The following NR1H4 variants were observed in gnomAD, a reference collection of about 807,000 sequenced individuals.
The protein encoded by NR1H4 is bile acid receptor.
A neutral mutation model predicts 58.5 loss-of-function variants in NR1H4; 23 were observed. The observed-to-expected ratio is 0.39, with a 90% CI of 0.28 to 0.56. NR1H4 has a LOEUF of 0.56. Among genes scored for constraint, NR1H4 ranks in the 20% least tolerant of loss-of-function variants. The probability of loss-of-function intolerance (pLI) is 0.58; values close to 1 mark genes in which losing one functional copy is unlikely to be tolerated. For synonymous variants in NR1H4, 214 were observed against 198.0 expected, an observed-to-expected ratio of 1.08 and a Z score of -0.68; for missense variants, 487 against 576.9, an observed-to-expected ratio of 0.84 and a Z score of 1.60.
intron 4 of NR1H4, among the ~76,000 whole-genome samples, chr12:100,520,314 TAG>T (rs1303688874): frequency 6.6e-6 from 1 of 152,110 alleles, no homozygotes; most frequent in African/African-American, 2.4e-5. Flanking sequence ...ATTTACTGGT[TAG>T]AGTTCAGCAA....
intron 1 of NR1H4, among the ~76,000 whole-genome samples, chr12:100,478,386 G>A (rs1250992420): frequency 2.0e-5 from 3 of 152,118 alleles, no homozygotes; most frequent in Admixed American, 2.0e-4. Flanking sequence ...AGAAAATGAA[G>A]CAAACCCTTC....
chr12:100,550,931 T>G (rs1169571520), intron 9 of NR1H4, among the ~76,000 whole-genome samples: 1 of 152,242 alleles, frequency 6.6e-6, no homozygotes, highest in Non-Finnish European at 1.5e-5. Context: ...GTGAGTGTTA[T>G]TTATAAAATA....
chr12:100,494,209 A>G (rs1953662875), intron 3 of NR1H4, among the ~76,000 whole-genome samples: 1 of 152,204 alleles, frequency 6.6e-6, no homozygotes, highest in African/African-American at 2.4e-5. Flanking sequence ...GTATGAAGGC[A>G]TGACCGCTTA....
intron 8 of NR1H4, 82 bp downstream of exon 8, chr12:100,537,129 G>T (rs1400725944): frequency 3.4e-6 from 3 of 890,478 alleles, no homozygotes; most frequent in South Asian, 2.9e-5. Context: ...TTTACATACG[G>T]TGTTTTAATT....
chr12:100,504,500 G>A lies in NR1H4; in HGVS notation c.80-6278G>A, dbSNP rs57624407. On this transcript the variant is annotated intron_variant, in intron 3 of 10. Coordinates refer to ENST00000392986, the MANE Select transcript of NR1H4 (RefSeq NM_001206979.2). ...AAACATTTACTATGTGTCAGCCATT[G>A]AGTTAGATGCCAGGAATATAAAGAA... Among the ~76,000 whole-genome samples the A allele has an allele frequency of 1.2e-4, 18 of 152,306 alleles. 1 individual carries two copies. In the East Asian group the frequency reaches 2.7e-3, roughly 23 times the overall value.
chr12:100,548,399 T>A (rs1955129441), intron 9 of NR1H4, among the ~76,000 whole-genome samples: 1 of 151,308 alleles, frequency 6.6e-6, no homozygotes, highest in Non-Finnish European at 1.5e-5. Flanking sequence ...ATACCTCTGA[T>A]GATCAGTTGT....
Position 100,510,927 on chromosome 12 carries a change from C to T in NR1H4, c.229C>T (p.Pro77Ser). The change falls in exon 4 of 11, where the codon CCT (proline) becomes TCT (serine). Residue 77 changes from proline (P) to serine (S), a missense_variant. Coordinates refer to ENST00000392986, the MANE Select transcript of NR1H4 (RefSeq NM_001206979.2). ...CAACCTGGGTTTCTACCCCCAGCAG[C>T]CTGAAGAGTGGTACTCTCCTGGAAT... ...YSNLGFYPQQ[P>S]EEWYSPGIYE... 1.2e-6 allele frequency: 2 copies of T among 1,614,208 alleles called. No individual in the cohort carries two copies. The highest frequency in any genetic ancestry group is 1.7e-6 in the Non-Finnish European group (2 of 1,180,042).
intron 1 of NR1H4, among the ~76,000 whole-genome samples, chr12:100,480,357 C>T (rs1389843107): frequency 6.6e-6 from 1 of 152,068 alleles, no homozygotes; most frequent in African/African-American, 2.4e-5. Flanking sequence ...GTTGAGATGC[C>T]GTTTTTAAAG....
chr12:100,509,813 C>T (rs952941767), intron 3 of NR1H4, among the ~76,000 whole-genome samples: 1 of 152,162 alleles, frequency 6.6e-6, no homozygotes, highest in Non-Finnish European at 1.5e-5. Context: ...ATGCAATCTT[C>T]TATCCCAGAA....
intron 2 of NR1H4, 88 bp from the exon 3 acceptor site, chr12:100,493,182 G>T: frequency 3.0e-6 from 2 of 661,896 alleles, no homozygotes; most frequent in South Asian, 3.4e-5. Context: ...TTGTACTTTC[G>T]TAAACTATCT....
At chr12:100,555,852 A>G (rs1379480609) in intron 9 of NR1H4, among the ~76,000 whole-genome samples, 14 of 152,206 alleles carry the variant, frequency 9.2e-5, no homozygotes, top group Non-Finnish European at 2.1e-4. Flanking sequence ...CAGGACTGGT[A>G]TTCTCCAGGC....
At chr12:100,563,217 T>C (rs767586991) in intron 10 of NR1H4, 34 bp from the exon 11 acceptor site, 2 of 1,519,728 alleles carry the variant, frequency 1.3e-6, no homozygotes, top group Admixed American at 1.7e-5. Context: ...TTCCACTTTT[T>C]AATTTTGTCA....
chr12:100,533,939 G>T (rs1438337866), intron 5 of NR1H4, among the ~76,000 whole-genome samples: 1 of 150,850 alleles, frequency 6.6e-6, no homozygotes, highest in East Asian at 1.9e-4. Flanking sequence ...GCCCAGGCCG[G>T]ACTGCGGACT....
At chr12:100,546,694 C>G (rs1394319862) in intron 9 of NR1H4, among the ~76,000 whole-genome samples, 2 of 151,802 alleles carry the variant, frequency 1.3e-5, no homozygotes, top group Non-Finnish European at 2.9e-5. Context: ...GACTCTGTCT[C>G]AAAAAACAAA....
intron 3 of NR1H4, chr12:100,503,542 G>A: frequency 6.6e-7 from 1 of 1,505,474 alleles, no homozygotes; most frequent in South Asian, 1.3e-5. Flanking sequence ...TCTTGCAACT[G>A]GACTGAGGAA....
At chr12:100,554,391 TAACACA>T (rs1955275854) in intron 9 of NR1H4, among the ~76,000 whole-genome samples, 2 of 107,734 alleles carry the variant, frequency 1.9e-5, no homozygotes, top group East Asian at 1.7e-3. Context: ...TACTTGTAAA[TAACACA>T]CACACACACA....
At chr12:100,521,611 C>T (rs1954420658) in intron 4 of NR1H4, among the ~76,000 whole-genome samples, 1 of 151,900 alleles carries the variant, frequency 6.6e-6, no homozygotes, top group South Asian at 2.1e-4. Context: ...AATGAGTGAC[C>T]CTACTGCCTT....
intron 1 of NR1H4, 67 bp downstream of exon 1, chr12:100,474,126 A>T (rs1953218103): frequency 6.6e-6 from 1 of 152,210 alleles, no homozygotes; most frequent in African/African-American, 2.4e-5. Context: ...ATAGTCACTT[A>T]AAAGTTTCTC....
intron 3 of NR1H4, among the ~76,000 whole-genome samples, chr12:100,509,554 A>G (rs138035894): frequency 0.014 from 2,080 of 152,354 alleles, 20 homozygotes; most frequent in Non-Finnish European, 0.023. Flanking sequence ...ATTATCTCAT[A>G]TAATCCTTAC....
Sources: allele counts gnomAD v4.1 joint callset (sites outside exome capture counted in the v4.1 genomes callset), GRCh38; gene constraint gnomAD v4.1.1; transcripts MANE v1.5; gene names NCBI Gene and HGNC (gene_info 2026-07-23, HGNC 2026-07-21).